Variants in CABCOCO1 observed in about 807,000 individuals in gnomAD.
CABCOCO1 encodes ciliary-associated calcium-binding coiled-coil protein 1.
A neutral mutation model predicts 35.7 loss-of-function variants in CABCOCO1; 28 were observed. The ratio of observed to expected loss-of-function variants is 0.78; its 90% CI spans 0.58 to 1.07. CABCOCO1 has a LOEUF of 1.07. Among genes scored for constraint, CABCOCO1 ranks in the 50% least tolerant of loss-of-function variants. The pLI is 0.00. For synonymous variants in CABCOCO1, 95 were observed against 100.1 expected (o/e 0.95, Z 0.30); for missense variants, 326 against 309.2 (o/e 1.05, Z -0.41).
chr10:61,724,568 G>A (rs1455811683), intron 5 of CABCOCO1, among the ~76,000 whole-genome samples: 4 of 152,154 alleles, frequency 2.6e-5, no homozygotes, highest in East Asian at 1.9e-4. Flanking sequence ...TTAGATACCA[G>A]AAGTAGATTT....
intron 1 of CABCOCO1, among the ~76,000 whole-genome samples, chr10:61,669,734 T>C (rs911503831): frequency 2.6e-5 from 4 of 152,098 alleles, no homozygotes; most frequent in African/African-American, 7.2e-5. Context: ...ATTAGTACTG[T>C]CCAAAAGGTT....
At chr10:61,749,124 A>G (rs1288129603) in intron 5 of CABCOCO1, among the ~76,000 whole-genome samples, 1 of 152,216 alleles carries the variant, frequency 6.6e-6, no homozygotes, top group East Asian at 1.9e-4. Flanking sequence ...ATAAAAGTAA[A>G]TTTATTTTTT....
chr10:61,703,809 A>G (rs1362536171), intron 5 of CABCOCO1, among the ~76,000 whole-genome samples: 1 of 152,122 alleles, frequency 6.6e-6, no homozygotes, highest in African/African-American at 2.4e-5. Flanking sequence ...GGAAATGGTG[A>G]CTTCTTACTA....
chr10:61,745,448 C>G (rs1470923703), intron 5 of CABCOCO1, among the ~76,000 whole-genome samples: 1 of 152,174 alleles, frequency 6.6e-6, no homozygotes, highest in East Asian at 1.9e-4. Context: ...CTATCCCTAA[C>G]AGGTACATTG....
intron 5 of CABCOCO1, among the ~76,000 whole-genome samples, chr10:61,700,842 C>A (rs561673589): frequency 6.6e-6 from 1 of 152,116 alleles, no homozygotes; most frequent in African/African-American, 2.4e-5. Context: ...AAGTTATTCA[C>A]ACTATGTTAA....
chr10:61,678,356 C>A (rs1430401524), intron 2 of CABCOCO1, among the ~76,000 whole-genome samples: 1 of 152,016 alleles, frequency 6.6e-6, no homozygotes. Context: ...ATATATCTTG[C>A]CAAATGATGT....
chr10:61,676,858 G>A (rs949076066), intron 2 of CABCOCO1, among the ~76,000 whole-genome samples: 3 of 151,638 alleles, frequency 2.0e-5, no homozygotes, highest in South Asian at 2.1e-4. Context: ...TCAGGAGATC[G>A]AGACCATCCT....
chr10:61,747,252 G>C (rs184091466), intron 5 of CABCOCO1, among the ~76,000 whole-genome samples: 1 of 152,042 alleles, frequency 6.6e-6, no homozygotes, highest in Non-Finnish European at 1.5e-5. Flanking sequence ...TAAAGAATTG[G>C]TGTGGTAATA....
chr10:61,690,689 T>A, intron 5 of CABCOCO1, 68 bp downstream of exon 5: 1 of 1,017,874 alleles, frequency 9.8e-7, no homozygotes, highest in East Asian at 2.5e-5. Context: ...AGCATCTGGA[T>A]CTTTAACTGC....
chr10:61,695,668 A>G (rs1458877606), intron 5 of CABCOCO1, among the ~76,000 whole-genome samples: 1 of 152,090 alleles, frequency 6.6e-6, no homozygotes, highest in African/African-American at 2.4e-5. Flanking sequence ...TAGCAATAAG[A>G]CTGACAGTCA....
chr10:61,729,380 A>T (rs568766522), intron 5 of CABCOCO1, among the ~76,000 whole-genome samples: 16 of 152,302 alleles, frequency 1.1e-4, no homozygotes, highest in Non-Finnish European at 2.2e-4. Flanking sequence ...GTTCAATGTC[A>T]CCAATCATCA....
intron 2 of CABCOCO1, among the ~76,000 whole-genome samples, chr10:61,678,362 G>C (rs992876410): frequency 5.3e-5 from 8 of 152,088 alleles, no homozygotes; most frequent in African/African-American, 1.7e-4. Flanking sequence ...CTTGCCAAAT[G>C]ATGTCCAGTG....
At chr10:61,695,023 C>T (rs557607330) in intron 5 of CABCOCO1, among the ~76,000 whole-genome samples, 1 of 152,010 alleles carries the variant, frequency 6.6e-6, no homozygotes. Flanking sequence ...TTTTTCATAA[C>T]CAGTGTTTGT....
intron 3 of CABCOCO1, among the ~76,000 whole-genome samples, chr10:61,683,247 A>G (rs577569167): frequency 2.0e-3 from 308 of 152,244 alleles, no homozygotes; most frequent in South Asian, 0.014. Context: ...TAGGTATTGC[A>G]GTATTCTCAT....
Position 61,760,990 on chromosome 10 carries a change from T to C in CABCOCO1, c.803T>C (p.Leu268Ser). The C allele has an allele frequency of 6.2e-7, 1 of 1,612,192 alleles. No individual in the cohort carries two copies. The highest frequency in any genetic ancestry group is 8.5e-7 in the Non-Finnish European group (1 of 1,178,976). Reference sequence around the variant, plus strand: ...CTGGATCAAGTCACAGATGACATTTTAATCGGCATTCAGGTACTCAGTATT... The same window carrying C: ...CTGGATCAAGTCACAGATGACATTTCAATCGGCATTCAGGTACTCAGTATT... The part of the protein sequence containing the change: ...SVLDQVTDDI[L>S]IGIQTEINEK... Residue 268 changes from leucine (L) to serine (S), a missense_variant, in exon 7 of 8, where the codon TTA becomes TCA. Coordinates refer to ENST00000648843, the MANE Select transcript of CABCOCO1 (RefSeq NM_001366906.2).
intron 5 of CABCOCO1, among the ~76,000 whole-genome samples, chr10:61,737,282 T>C (rs770393296): frequency 3.3e-5 from 5 of 152,126 alleles, no homozygotes; most frequent in Admixed American, 1.3e-4. Context: ...ATGGCTATTA[T>C]TACAAGGTCA....
intron 2 of CABCOCO1, among the ~76,000 whole-genome samples, chr10:61,679,958 A>C (rs1839657823): frequency 6.6e-6 from 1 of 152,136 alleles, no homozygotes; most frequent in Non-Finnish European, 1.5e-5. Context: ...AAGGTTGAAG[A>C]GAAAATTATA....
intron 5 of CABCOCO1, among the ~76,000 whole-genome samples, chr10:61,755,813 G>A (rs1334353971): frequency 1.3e-5 from 2 of 151,652 alleles, no homozygotes; most frequent in African/African-American, 4.8e-5. Context: ...ATGTTAACAC[G>A]GAAAATAGAA....
intron 5 of CABCOCO1, among the ~76,000 whole-genome samples, chr10:61,691,687 C>T (rs950446115): frequency 3.9e-5 from 6 of 152,104 alleles, no homozygotes; most frequent in East Asian, 3.9e-4. Context: ...TGTTCCCCTC[C>T]CTGTGCCCAT....
Sources: allele counts gnomAD v4.1 joint callset (sites outside exome capture counted in the v4.1 genomes callset), GRCh38; gene constraint gnomAD v4.1.1; transcripts MANE v1.5; gene names NCBI Gene and HGNC (gene_info 2026-07-23, HGNC 2026-07-21).